LRP3: variants seen among roughly 807,000 people sequenced by gnomAD.
The protein encoded by LRP3 is LDL receptor related protein 3.
LRP3 carries 49 observed loss-of-function variants against 58.5 expected under a neutral mutation model. The ratio of observed to expected loss-of-function variants is 0.84; its 90% CI spans 0.67 to 1.06. The LOEUF (loss-of-function observed/expected upper bound fraction) is 1.06, where lower values mean the gene tolerates loss of function less well. Among genes scored for constraint, LRP3 ranks in the 50% least tolerant of loss-of-function variants. LRP3 has a pLI of 0.00. For synonymous variants in LRP3, 485 were observed against 492.2 expected (o/e 0.99, Z 0.20); for missense variants, 1,019 against 1,134.2 (o/e 0.90, Z 1.46).
rs192912742 is a variant in LRP3 at position 33,196,964 on chromosome 19, A to G, written c.121+187A>G. ...CTGAGCCTCAGTTTCCTCATCTGTA[A>G]AGTGGGTGAAATAACAAGGTCTACT... On this transcript the variant is annotated intron_variant, in intron 2 of 6. Coordinates refer to ENST00000253193, the MANE Select transcript of LRP3 (RefSeq NM_002333.4). Among the ~76,000 whole-genome samples, 34 of 152,286 alleles carry G rather than the reference A, an allele frequency of 2.2e-4. No individual in the cohort carries two copies. In the East Asian group the frequency reaches 6.6e-3, roughly 29 times the overall value.
rs1399921933 is a variant in LRP3, at chr19:33,206,009, C to A, written c.1239C>A (p.Cys413Ter). Residue 413 changes from cysteine (C) to a stop codon, truncating the protein, a stop_gained, in exon 5 of 7, where the codon TGC becomes TGA. Transcript: ENST00000253193. LOFTEE classifies it high-confidence loss of function. ...HCASGRDEQG[C>*]PACPPDQYPC... The stretch of plus-strand genomic sequence containing the variant: ...CCAGCGGCCGAGACGAGCAGGGCTG[C>A]CCTGCCTGCCCGCCCGACCAGTACC... 6.3e-7 allele frequency: 1 copy of A among 1,580,236 alleles called. No homozygotes were observed. Among genetic ancestry groups the A allele is most frequent in the South Asian group, 1.1e-5 (1 of 87,864 alleles).
chr19:33,207,786 G>C lies in LRP3; in HGVS notation c.*211G>C, dbSNP rs1974444917. 5 of 581,850 alleles carry C rather than the reference G, an allele frequency of 8.6e-6. No homozygotes were observed. The highest frequency in any genetic ancestry group is 1.5e-5 in the Non-Finnish European group (5 of 327,540). 36.0% of individuals were successfully genotyped at this position (581,850 alleles called of 1,614,324 possible). A position where few individuals can be genotyped will look rare whatever the true frequency, so the allele number is the denominator to read the frequency against. ...GAAGAGTGGAGTGGTGAGCCCGTCT[G>C]CAGGGTCCCATTGTACACAAGCACC... On this transcript the variant is annotated 3_prime_UTR_variant, in exon 7 of 7. Coordinates refer to ENST00000253193, the MANE Select transcript of LRP3 (RefSeq NM_002333.4).
chr19:33,206,758 C>T (rs1974418097), intron 6 of LRP3, 25 bp downstream of exon 6: 1 of 1,504,568 alleles, frequency 6.6e-7, no homozygotes, highest in South Asian at 1.4e-5. Context: ...GGCGTGAGGC[C>T]CCTCCGGGGC....
At position 33,205,681 on chromosome 19, in the gene LRP3, A is replaced by C. The variant is rs1424203559; in HGVS notation, c.911A>C (p.Tyr304Ser). ...CTGCAGCTGGAACTGCGGCTGGGCT[A>C]TGACGACTACGTGCAGGTATACGAG... The part of the protein sequence containing the change: ...VLLQLELRLG[Y>S]DDYVQVYEGL... The change falls in exon 5 of 7, where the codon TAT (tyrosine) becomes TCT (serine). Residue 304 changes from tyrosine (Y) to serine (S), a missense_variant. By Grantham distance (144) the Tyr-to-Ser change is moderately radical (BLOSUM62 -2). Coordinates refer to ENST00000253193, the MANE Select transcript of LRP3 (RefSeq NM_002333.4). 1.2e-6 allele frequency: 2 copies of C among 1,607,878 alleles called. No individual in the cohort carries two copies. The highest frequency in any genetic ancestry group is 1.7e-6 in the Non-Finnish European group (2 of 1,179,348).
Position 33,207,658 on chromosome 19 carries a change from T to G in LRP3, c.*83T>G. 1 of 1,152,668 alleles carries G rather than the reference T, an allele frequency of 8.7e-7. No individual in the cohort carries two copies. The highest frequency in any genetic ancestry group is 1.4e-5 in the South Asian group (1 of 73,238). The allele number at this position is 1,152,668 out of a possible 1,614,324, so 71.4% of individuals were successfully genotyped here. A position where few individuals can be genotyped will look rare whatever the true frequency, so the allele number is the denominator to read the frequency against. On this transcript the variant is annotated 3_prime_UTR_variant, in exon 7 of 7. Transcript: ENST00000253193. The stretch of plus-strand genomic sequence containing the variant: ...CATTTCTACCCTGCCTCTGCGTCCT[T>G]TCTTATGGAGAGGCCCTCCGGGGAC...
At chr19:33,198,593 C>G (rs1974309281) in intron 2 of LRP3, among the ~76,000 whole-genome samples, 1 of 152,220 alleles carries the variant, frequency 6.6e-6, no homozygotes, top group African/African-American at 2.4e-5. Flanking sequence ...TCCACCCTAA[C>G]TAGGCTCAGT....
At chr19:33,197,915 C>G (rs1017338056) in intron 2 of LRP3, among the ~76,000 whole-genome samples, 2 of 152,338 alleles carry the variant, frequency 1.3e-5, no homozygotes, top group African/African-American at 4.8e-5. Context: ...TCTCAGGAGC[C>G]CGGCCTCCTC....
intron 1 of LRP3, among the ~76,000 whole-genome samples, chr19:33,195,293 G>C (rs1009966448): frequency 7.9e-5 from 12 of 152,188 alleles, no homozygotes; most frequent in African/African-American, 1.7e-4. Flanking sequence ...GTGCGGGGCA[G>C]GGCTGGAGGA....
chr19:33,196,024 C>T (rs1974281923), intron 1 of LRP3, among the ~76,000 whole-genome samples: 1 of 121,454 alleles, frequency 8.2e-6, no homozygotes. Context: ...GGGCCCGTAA[C>T]CCCCCGGGCC....
intron 2 of LRP3, among the ~76,000 whole-genome samples, chr19:33,202,277 A>G (rs1298406023): frequency 1.3e-5 from 2 of 152,184 alleles, no homozygotes; most frequent in East Asian, 3.9e-4. Flanking sequence ...CATTCCACTG[A>G]GGGGTTCTGC....
rs1339912376 is a variant in LRP3 at position 33,207,557 on chromosome 19, G to C, written c.2295G>C (p.Glu765Asp). 1 of 1,603,978 alleles carries C rather than the reference G, an allele frequency of 6.2e-7. No homozygotes were observed. Among genetic ancestry groups the C allele is most frequent in the Non-Finnish European group, 8.5e-7 (1 of 1,179,356 alleles). ...CAATGCTGGAGGCCAGCGATGATGA[G>C]GCCCTGTTGGTCTGTTGACCGCTGG... ...CSPMLEASDDEALLVC is the reference protein window; with the variant it reads ...CSPMLEASDDDALLVC Residue 765 changes from glutamate (E) to aspartate (D), a missense_variant, in exon 7 of 7, where the codon GAG becomes GAC. Glu to Asp is a conservative substitution (Grantham distance 45, BLOSUM62 2). This residue lies in a region of LRP3 where 427 missense variants were observed against 408.6 expected (regional missense o/e 1.04). Coordinates refer to ENST00000253193, the MANE Select transcript of LRP3 (RefSeq NM_002333.4).
At chr19:33,199,990 C>T (rs962231736) in intron 2 of LRP3, among the ~76,000 whole-genome samples, 13 of 152,186 alleles carry the variant, frequency 8.5e-5, no homozygotes, top group African/African-American at 3.1e-4. Flanking sequence ...AGCGCCTTGC[C>T]CTGCCCCTGG....
In LRP3 at chr19:33,196,760, G is replaced by A; in HGVS notation, c.104G>A (p.Ser35Asn). 6.2e-7 allele frequency: 1 copy of A among 1,614,182 alleles called. No homozygotes were observed. ...ATCTTTCTCACCGGGAGACTCAGCA[G>A]TGCGGTTCCTGCCTTAGGTAAGTAA... ...VNIFLTGRLS[S>N]AVPALAACSG... is the part of the protein sequence containing the mutation. Residue 35 changes from serine (S) to asparagine (N), a missense_variant, in exon 2 of 7, where the codon AGT becomes AAT. Transcript: ENST00000253193.
chr19:33,205,147 T>C (rs1249255926), intron 4 of LRP3, 99 bp from the exon 5 acceptor site: 14 of 1,324,036 alleles, frequency 1.1e-5, no homozygotes, highest in Non-Finnish European at 1.4e-5. Flanking sequence ...GCTGCCACAG[T>C]GATGGGGAAC....
chr19:33,207,484 C>A lies in LRP3; in HGVS notation c.2222C>A (p.Ser741Ter). ...STASSTLGPH[S>*]PEPLGVCRNP... is the part of the protein sequence containing the mutation. ...GCCAGCAGCACCCTGGGCCCCCACT[C>A]GCCAGAGCCACTGGGGGTCTGCAGG... Residue 741 changes from serine to a stop codon, truncating the protein, a stop_gained, in exon 7 of 7, where the codon TCG becomes TAG. Transcript: ENST00000253193. LOFTEE classifies it high-confidence loss of function. 1 of 1,600,698 alleles carries A rather than the reference C, an allele frequency of 6.2e-7. No individual in the cohort carries two copies. Among genetic ancestry groups the A allele is most frequent in the Non-Finnish European group, 8.5e-7 (1 of 1,176,852 alleles).
chr19:33,205,997 C>G lies in LRP3; in HGVS notation c.1227C>G (p.Asp409Glu). 4 of 1,575,214 alleles carry G rather than the reference C, an allele frequency of 2.5e-6. No homozygotes were observed. The highest frequency in any genetic ancestry group is 3.4e-6 in the Non-Finnish European group (4 of 1,160,448). ...DGWWHCASGR[D>E]EQGCPACPPD... Reference sequence around the variant, plus strand: ...GGTGGCATTGTGCCAGCGGCCGAGACGAGCAGGGCTGCCCTGCCTGCCCGC... The same window carrying G: ...GGTGGCATTGTGCCAGCGGCCGAGAGGAGCAGGGCTGCCCTGCCTGCCCGC... The change falls in exon 5 of 7, where the codon GAC (aspartate) becomes GAG (glutamate). Residue 409 changes from aspartate (D) to glutamate (E), a missense_variant. Physicochemically the swap from Asp to Glu is conservative, Grantham distance 45. Coordinates refer to ENST00000253193, the MANE Select transcript of LRP3 (RefSeq NM_002333.4).
chr19:33,197,613 C>T (rs1287575075), intron 2 of LRP3, among the ~76,000 whole-genome samples: 2 of 152,142 alleles, frequency 1.3e-5, no homozygotes, highest in Non-Finnish European at 1.5e-5. Flanking sequence ...GGTGACAGAG[C>T]GAGACCCTGT....
chr19:33,197,531 G>A (rs1196639530), intron 2 of LRP3, among the ~76,000 whole-genome samples: 1 of 152,228 alleles, frequency 6.6e-6, no homozygotes, highest in Non-Finnish European at 1.5e-5. Context: ...GGAGACTGAG[G>A]CAGGATGATT....
chr19:33,206,543 G>T (rs557693883), intron 5 of LRP3, 58 bp from the exon 6 acceptor site: 2 of 1,590,576 alleles, frequency 1.3e-6, no homozygotes, highest in East Asian at 4.5e-5. Flanking sequence ...TCCTGTTGTT[G>T]TTCCTGCTGC....
Sources: gnomAD v4.1 joint callset for allele counts (sites outside exome capture counted in the v4.1 genomes callset) on GRCh38, gnomAD v4.1.1 for gene constraint, gnomAD v4.1.1 regional missense constraint, MANE v1.5 for transcripts, NCBI Gene and HGNC (gene_info 2026-07-23, HGNC 2026-07-21) for gene names.